OR1L8: variants seen among roughly 807,000 people sequenced by gnomAD.
OR1L8 encodes the protein olfactory receptor 1L8.
For synonymous variants in OR1L8, 148 were observed against 147.0 expected, an observed-to-expected ratio of 1.01 and a Z score of -0.05; for missense variants, 330 against 377.4, an observed-to-expected ratio of 0.87 and a Z score of 1.04.
intron 1 of OR1L8, among the ~76,000 whole-genome samples, chr9:122,580,400 A>G (rs1431956552): frequency 6.6e-6 from 1 of 152,186 alleles, no homozygotes; most frequent in East Asian, 1.9e-4. Flanking sequence ...GCCAATGATC[A>G]TTTACAAATA....
chr9:122,581,669 G>A (rs993685995), intron 1 of OR1L8, among the ~76,000 whole-genome samples: 4 of 152,158 alleles, frequency 2.6e-5, no homozygotes, highest in Admixed American at 6.5e-5. Flanking sequence ...GACAGAGGCC[G>A]GGCACAGTGG....
the OR1L8 span, among the ~76,000 whole-genome samples, chr9:122,546,988 A>G: frequency 3.9e-5 from 6 of 152,122 alleles, no homozygotes; most frequent in African/African-American, 1.4e-4. Context: ...ACTTGAAACT[A>G]TGTAATGTAT....
chr9:122,572,086 G>T (rs982532240), intron 4 of OR1L8, among the ~76,000 whole-genome samples: 3 of 152,158 alleles, frequency 2.0e-5, no homozygotes, highest in Admixed American at 6.5e-5. Flanking sequence ...GAGGTGGGGG[G>T]AGGCGCTACA....
intron 2 of OR1L8, among the ~76,000 whole-genome samples, chr9:122,577,659 T>C (rs1829680819): frequency 6.6e-6 from 1 of 152,198 alleles, no homozygotes; most frequent in Non-Finnish European, 1.5e-5. Context: ...TAATACCTAG[T>C]ATTAACACTG....
At chr9:122,575,535 T>C (rs1829637654) in intron 3 of OR1L8, among the ~76,000 whole-genome samples, 1 of 152,168 alleles carries the variant, frequency 6.6e-6, no homozygotes, top group Non-Finnish European at 1.5e-5. Context: ...ATGAGATCTG[T>C]AGTGATGTTC....
At chr9:122,571,671 G>A (rs1829554189) in intron 4 of OR1L8, among the ~76,000 whole-genome samples, 2 of 150,086 alleles carry the variant, frequency 1.3e-5, no homozygotes, top group South Asian at 4.2e-4. Context: ...AGCCAAGATT[G>A]CACCACTGCA....
At chr9:122,558,310 G>GTTTTTTTTTTTTTTTTTTTTTTTT in the OR1L8 span, among the ~76,000 whole-genome samples, 1 of 24,212 alleles carries the variant, frequency 4.1e-5, no homozygotes, top group African/African-American at 1.6e-4. Context: ...TTTGGATTTT[G>GTTTTTTTTTTTTTTTTTTTTTTTT]CTTTTTTTTT....
At chr9:122,558,311 C>CTTTTTTT in the OR1L8 span, among the ~76,000 whole-genome samples, 17 of 34,472 alleles carry the variant, frequency 4.9e-4, 3 homozygotes, top group East Asian at 1.3e-3. Flanking sequence ...TTGGATTTTG[C>CTTTTTTT]TTTTTTTTTT....
intron 4 of OR1L8, among the ~76,000 whole-genome samples, chr9:122,571,713 T>C (rs1829555218): frequency 8.4e-6 from 1 of 119,756 alleles, no homozygotes; most frequent in African/African-American, 3.5e-5. Context: ...AGACTCAGTC[T>C]CAAAAAAAAA....
chr9:122,557,283 A>AT, the OR1L8 span, among the ~76,000 whole-genome samples: 1 of 151,954 alleles, frequency 6.6e-6, no homozygotes, highest in Admixed American at 6.6e-5. Flanking sequence ...GAGGGGGGAC[A>AT]TTTTTTTGCC....
intron 1 of OR1L8, among the ~76,000 whole-genome samples, chr9:122,581,133 T>C (rs953649556): frequency 1.2e-4 from 19 of 152,098 alleles, no homozygotes; most frequent in African/African-American, 4.6e-4. Flanking sequence ...TTTGGGAGGT[T>C]GAGGTAGGCA....
the OR1L8 span, among the ~76,000 whole-genome samples, chr9:122,546,882 A>G: frequency 6.6e-6 from 1 of 152,184 alleles, no homozygotes; most frequent in Admixed American, 6.5e-5. Flanking sequence ...GTTTTGATAC[A>G]TATATAGTGA....
At chr9:122,553,067 T>G in the OR1L8 span, 10 of 805,264 alleles carry the variant, frequency 1.2e-5, no homozygotes, top group East Asian at 2.5e-4. Flanking sequence ...TCAGAGATTC[T>G]TATTGGCAAA....
the OR1L8 span, among the ~76,000 whole-genome samples, chr9:122,549,405 A>T: frequency 2.6e-5 from 4 of 152,264 alleles, no homozygotes; most frequent in Middle Eastern, 3.4e-3. Flanking sequence ...ACCCACCCTC[A>T]GATTTTCCTT....
intron 3 of OR1L8, among the ~76,000 whole-genome samples, chr9:122,574,262 C>A (rs566562802): frequency 1.3e-5 from 2 of 152,016 alleles, no homozygotes; most frequent in African/African-American, 4.8e-5. Context: ...GGATTTTGAT[C>A]GGTATTGCAT....
At chr9:122,554,927 G>A in the OR1L8 span, among the ~76,000 whole-genome samples, 1 of 152,006 alleles carries the variant, frequency 6.6e-6, no homozygotes, top group Non-Finnish European at 1.5e-5. Context: ...AATCAAAAAT[G>A]ATAAATCAAG....
At chr9:122,552,924 T>C in the OR1L8 span, among the ~76,000 whole-genome samples, 1 of 152,102 alleles carries the variant, frequency 6.6e-6, no homozygotes, top group East Asian at 1.9e-4. Context: ...CCCATGCCAA[T>C]TTCTCTGGTC....
At chr9:122,566,253 A>T (rs1829424548), downstream of OR1L8, among the ~76,000 whole-genome samples, 1 of 152,174 alleles carries the variant, frequency 6.6e-6, no homozygotes, top group South Asian at 2.1e-4. Flanking sequence ...TAATTTATGA[A>T]GTCTTTCACC....
At chr9:122,571,060 T>C (rs1829538396) in intron 4 of OR1L8, among the ~76,000 whole-genome samples, 1 of 152,230 alleles carries the variant, frequency 6.6e-6, no homozygotes, top group African/African-American at 2.4e-5. Context: ...ATTGGTGCTA[T>C]GTTTTCCTCA....
Sources: allele counts gnomAD v4.1 joint callset (sites outside exome capture counted in the v4.1 genomes callset), GRCh38; gene constraint gnomAD v4.1.1; transcripts MANE v1.5; gene names NCBI Gene and HGNC (gene_info 2026-07-23, HGNC 2026-07-21).